GPR176: variants seen among roughly 807,000 people sequenced by gnomAD.
The protein encoded by GPR176 is G-protein coupled receptor 176.
In GPR176, 26 loss-of-function variants were observed where a neutral mutation model predicts 35.4. The observed-to-expected ratio is 0.74, with a 90% CI of 0.54 to 1.02. The LOEUF (loss-of-function observed/expected upper bound fraction) is 1.02, where lower values mean the gene tolerates loss of function less well. GPR176 is among the 50% of genes least tolerant of loss of function. The pLI is 0.00. For synonymous variants in GPR176, 278 were observed against 271.3 expected (o/e 1.02, Z -0.24); for missense variants, 597 against 665.3 (o/e 0.90, Z 1.13).
At chr15:39,867,610 G>A (rs2031881948) in intron 1 of GPR176, among the ~76,000 whole-genome samples, 1 of 152,164 alleles carries the variant, frequency 6.6e-6, no homozygotes, top group African/African-American at 2.4e-5. Context: ...CAGATGCGGG[G>A]TGGGGAGGAT....
chr15:39,809,144 C>T (rs1202213493), intron 1 of GPR176, among the ~76,000 whole-genome samples: 2 of 152,208 alleles, frequency 1.3e-5, no homozygotes, highest in African/African-American at 2.4e-5. Flanking sequence ...GCTATAATCA[C>T]ATTTTATTTC....
chr15:39,853,711 C>G (rs189904383), intron 1 of GPR176, among the ~76,000 whole-genome samples: 2 of 152,188 alleles, frequency 1.3e-5, no homozygotes, highest in East Asian at 1.9e-4. Flanking sequence ...TAGCTGGGAG[C>G]AGGAGTGCTA....
chr15:39,872,805 G>A lies in GPR176; in HGVS notation c.172+47050C>T, dbSNP rs985115889. 3.3e-5 allele frequency among the ~76,000 whole-genome samples: 5 copies of A among 152,082 alleles called. No individual in the cohort carries two copies. In the East Asian group the frequency reaches 7.7e-4, roughly 23 times the overall value. On this transcript the variant is annotated intron_variant, in intron 1 of 2. Coordinates refer to ENST00000561100, the MANE Select transcript of GPR176 (RefSeq NM_007223.3). ...TTTCGCAAAGATAGCACTAACCCAC[G>A]AGGGATCTGCTCCCATGACCCAAAC...
At chr15:39,879,532 C>A (rs1407352314) in intron 1 of GPR176, among the ~76,000 whole-genome samples, 1 of 152,198 alleles carries the variant, frequency 6.6e-6, no homozygotes, top group Non-Finnish European at 1.5e-5. Flanking sequence ...CATGCCCATG[C>A]TGCTCAGAGC....
At chr15:39,863,138 C>A (rs2031679084) in intron 1 of GPR176, among the ~76,000 whole-genome samples, 1 of 151,502 alleles carries the variant, frequency 6.6e-6, no homozygotes, top group East Asian at 1.9e-4. Context: ...CGGCTCACTG[C>A]AAGCTCCGAC....
In GPR176 at chr15:39,801,802, T is replaced by C. The variant is rs1358741195; in HGVS notation, c.878A>G (p.Asn293Ser). ...CAAGAAGACGGAAGTGTCAGGGACA[T>C]TGAGCACAGTCTGGTAGACGACCAG... ...ATLVVYQTVLNVPDTSVFLLL... is the reference protein window; with the variant it reads ...ATLVVYQTVLSVPDTSVFLLL... The change falls in exon 3 of 3, where the codon AAT (asparagine) becomes AGT (serine). Residue 293 changes from asparagine to serine, a missense_variant. This residue lies in a region of GPR176 where 220 missense variants were observed against 297.6 expected (regional missense o/e 0.74). Transcript: ENST00000561100. 2 of 1,613,744 alleles carry C rather than the reference T, an allele frequency of 1.2e-6. No homozygotes were observed. The highest frequency in any genetic ancestry group is 1.1e-5 in the South Asian group (1 of 91,070).
Position 39,801,981 on chromosome 15 carries a change from A to G in GPR176, c.699T>C (p.Ser233=). The part of the protein sequence containing the change: ...LFLILIRRAL[S]ASQKKKVIIA... ...TGATGACCTTCTTCTTCTGGCTGGC[A>G]CTCAGGGCCCGTCGGATCAGTATCA... is the stretch of plus-strand genomic sequence containing the variant. The change falls in exon 3 of 3, where the codon AGT becomes AGC. Residue 233 remains serine, a synonymous_variant. Transcript: ENST00000561100. The G allele has an allele frequency of 6.2e-7, 1 of 1,613,938 alleles. No individual in the cohort carries two copies. Among genetic ancestry groups the G allele is most frequent in the South Asian group, 1.1e-5 (1 of 91,060 alleles).
intron 1 of GPR176, among the ~76,000 whole-genome samples, chr15:39,834,951 C>T (rs887387967): frequency 2.0e-5 from 3 of 152,050 alleles, no homozygotes; most frequent in African/African-American, 4.8e-5. Flanking sequence ...CAAAGGATAC[C>T]GGCTTGAGGT....
At chr15:39,806,961 A>G in intron 2 of GPR176, 45 bp downstream of exon 2, 1 of 1,539,544 alleles carries the variant, frequency 6.5e-7, no homozygotes, top group Non-Finnish European at 8.7e-7. Context: ...TAATTTTTTA[A>G]TACAACTTAA....
At chr15:39,816,474 A>T (rs2140802238) in intron 1 of GPR176, among the ~76,000 whole-genome samples, 1 of 152,356 alleles carries the variant, frequency 6.6e-6, no homozygotes, top group Non-Finnish European at 1.5e-5. Context: ...GCACACAAAC[A>T]TGACATGCCT....
intron 1 of GPR176, among the ~76,000 whole-genome samples, chr15:39,899,640 G>A (rs1461765447): frequency 2.6e-5 from 4 of 152,230 alleles, no homozygotes; most frequent in Non-Finnish European, 5.9e-5. Context: ...AAGGCAAGAA[G>A]TAGTCACTAG....
chr15:39,895,261 A>AGAGGGAGAGGGAGACCGTGGGGG (rs2033072169), intron 1 of GPR176, among the ~76,000 whole-genome samples: 1 of 81,896 alleles, frequency 1.2e-5, no homozygotes, highest in Non-Finnish European at 2.5e-5. Context: ...GACCATGGGG[A>AGAGGGAGAGGGAGACCGTGGGGG]GAGGGAGAGG....
chr15:39,907,356 G>T (rs1258130238), intron 1 of GPR176, among the ~76,000 whole-genome samples: 2 of 152,190 alleles, frequency 1.3e-5, no homozygotes, highest in South Asian at 4.2e-4. Flanking sequence ...TGGATGCCTG[G>T]GCTTTGTGCT....
Position 39,801,350 on chromosome 15 carries a change from T to G in GPR176, c.1330A>C (p.Thr444Pro). Residue 444 changes from threonine (T) to proline (P), a missense_variant, in exon 3 of 3, where the codon ACA becomes CCA. By Grantham distance (38) the Thr-to-Pro change is conservative. This residue lies in a region of GPR176 where 251 missense variants were observed against 255.4 expected (regional missense o/e 0.98). Transcript: ENST00000561100. ...TGCAGGGAATACTTATCAGGGAATG[T>G]TTCAGGTTCCACAGGGGCTGCCGGT... ...VAPAAPVEPE[T>P]FPDKYSLQFG... The G allele has an allele frequency of 6.2e-7, 1 of 1,614,146 alleles. No homozygotes were observed. Among genetic ancestry groups the G allele is most frequent in the African/African-American group, 1.3e-5 (1 of 75,038 alleles).
intron 1 of GPR176, among the ~76,000 whole-genome samples, chr15:39,809,728 G>A (rs1353353382): frequency 6.6e-6 from 1 of 152,246 alleles, no homozygotes. Context: ...AGGACATACA[G>A]CCCATACAAC....
chr15:39,907,579 G>A (rs2140875487), intron 1 of GPR176, among the ~76,000 whole-genome samples: 1 of 152,322 alleles, frequency 6.6e-6, no homozygotes, highest in East Asian at 1.9e-4. Flanking sequence ...AGCAAGAGCT[G>A]TGTTTCCAGA....
At chr15:39,864,848 C>A (rs2031761227) in intron 1 of GPR176, among the ~76,000 whole-genome samples, 1 of 151,142 alleles carries the variant, frequency 6.6e-6, no homozygotes, top group South Asian at 2.1e-4. Context: ...ACAAAAAAAT[C>A]CCAATAATCC....
intron 1 of GPR176, among the ~76,000 whole-genome samples, chr15:39,895,135 A>T (rs1161450725): frequency 2.6e-5 from 4 of 152,140 alleles, no homozygotes; most frequent in Non-Finnish European, 4.4e-5. Context: ...CAGGAGAATC[A>T]GGCAGGGAGG....
chr15:39,826,042 C>T (rs1431181803), intron 1 of GPR176, among the ~76,000 whole-genome samples: 1 of 152,118 alleles, frequency 6.6e-6, no homozygotes, highest in Non-Finnish European at 1.5e-5. Flanking sequence ...ACATTCACTG[C>T]CGTTATGGGG....
Sources: allele counts gnomAD v4.1 joint callset (sites outside exome capture counted in the v4.1 genomes callset), GRCh38; gene constraint gnomAD v4.1.1; regional missense constraint gnomAD v4.1.1; transcripts MANE v1.5; gene names NCBI Gene and HGNC (gene_info 2026-07-23, HGNC 2026-07-21).